ARHGAP28: variants seen among roughly 807,000 people sequenced by gnomAD.
The protein encoded by ARHGAP28 is rho GTPase-activating protein 28.
In ARHGAP28, 56 loss-of-function variants were observed where a neutral mutation model predicts 90.7. The observed-to-expected ratio is 0.62, with a 90% CI of 0.50 to 0.77. ARHGAP28 has a LOEUF of 0.77. Among genes scored for constraint, ARHGAP28 ranks in the 30% least tolerant of loss-of-function variants. The probability of loss-of-function intolerance (pLI) is 0.00; values close to 1 mark genes in which losing one functional copy is unlikely to be tolerated. For synonymous variants in ARHGAP28, 308 were observed against 323.3 expected, an observed-to-expected ratio of 0.95 and a Z score of 0.51; for missense variants, 869 against 900.9, an observed-to-expected ratio of 0.96 and a Z score of 0.45.
intron 1 of ARHGAP28, among the ~76,000 whole-genome samples, chr18:6,750,464 T>A (rs540445321): frequency 9.8e-5 from 15 of 152,328 alleles, no homozygotes; most frequent in Admixed American, 2.0e-4. Flanking sequence ...AGTACTATAG[T>A]CCTTGGAGAT....
chr18:6,822,086 A>T (rs2056630791), intron 1 of ARHGAP28, among the ~76,000 whole-genome samples: 2 of 152,206 alleles, frequency 1.3e-5, no homozygotes, highest in South Asian at 4.1e-4. Flanking sequence ...TCAGGAAAAC[A>T]AAGCAGTTTA....
rs775034587 is a variant in ARHGAP28, at chr18:6,825,071, A to G, written c.325+107A>G. On this transcript the variant is annotated intron_variant, in intron 2 of 17. Transcript: ENST00000383472. ...ATCCCACCAATAGTTTAACCAATGA[A>G]TCAGTAGAATCTGGCATATTGATGA... The G allele has an allele frequency of 3.7e-4, 377 of 1,007,944 alleles. 1 individual carries two copies. Among genetic ancestry groups the G allele is most frequent in the Non-Finnish European group, 4.9e-4 (348 of 714,068 alleles). 62.4% of individuals were successfully genotyped at this position (1,007,944 alleles called of 1,614,324 possible). A position where few individuals can be genotyped will look rare whatever the true frequency, so the allele number is the denominator to read the frequency against.
At chr18:6,895,020 T>G in intron 15 of ARHGAP28, 129 bp downstream of exon 15, 1 of 932,532 alleles carries the variant, frequency 1.1e-6, no homozygotes, top group Non-Finnish European at 1.7e-6. Context: ...ATGTGGCACA[T>G]AAAGGAATGG....
chr18:6,816,865 G>A (rs1180250123), intron 1 of ARHGAP28, among the ~76,000 whole-genome samples: 1 of 151,862 alleles, frequency 6.6e-6, no homozygotes, highest in Admixed American at 6.6e-5. Context: ...AGGCAGGAGA[G>A]TCGCTTGAGC....
At chr18:6,764,078 T>C (rs749121919) in intron 1 of ARHGAP28, among the ~76,000 whole-genome samples, 44 of 152,162 alleles carry the variant, frequency 2.9e-4, no homozygotes, top group Non-Finnish European at 5.6e-4. Context: ...ACACTTGAAG[T>C]TGTCCATGGA....
At chr18:6,810,782 G>T (rs1600206398) in intron 1 of ARHGAP28, among the ~76,000 whole-genome samples, 1 of 146,820 alleles carries the variant, frequency 6.8e-6, no homozygotes, top group Non-Finnish European at 1.5e-5. Flanking sequence ...AGTAGATAAA[G>T]AAAGAGCATT....
chr18:6,894,411 A>G (rs1478437916), intron 14 of ARHGAP28, among the ~76,000 whole-genome samples: 1 of 152,160 alleles, frequency 6.6e-6, no homozygotes, highest in African/African-American at 2.4e-5. Context: ...TTTAACATGA[A>G]TGTAGCATAC....
intron 1 of ARHGAP28, among the ~76,000 whole-genome samples, chr18:6,771,115 C>A (rs926333273): frequency 6.6e-5 from 10 of 152,078 alleles, no homozygotes; most frequent in Non-Finnish European, 1.2e-4. Context: ...TGGCTCACTG[C>A]AGCCTTGTTC....
At chr18:6,752,616 C>G (rs926037093) in intron 1 of ARHGAP28, among the ~76,000 whole-genome samples, 1 of 152,138 alleles carries the variant, frequency 6.6e-6, no homozygotes, top group African/African-American at 2.4e-5. Flanking sequence ...CTAAATCCAC[C>G]TCAGCCTCTG....
In ARHGAP28 at chr18:6,887,144, G is replaced by C; in HGVS notation, c.1454-13G>C. The C allele has an allele frequency of 6.2e-7, 1 of 1,611,852 alleles. No homozygotes were observed. The highest frequency in any genetic ancestry group is 8.5e-7 in the Non-Finnish European group (1 of 1,177,990). ...CTATTTAAAATGTATGACTATTTCTGTTTTCTTGTTAGGAGGGCCTCACGT... is the reference window on the plus strand; with the variant it reads ...CTATTTAAAATGTATGACTATTTCTCTTTTCTTGTTAGGAGGGCCTCACGT... On this transcript the variant is annotated splice_polypyrimidine_tract_variant and intron_variant, in intron 11 of 17. Transcript: ENST00000383472.
intron 1 of ARHGAP28, among the ~76,000 whole-genome samples, chr18:6,805,479 CTTTTTTTTTTTTT>C (rs756550297): frequency 3.1e-5 from 3 of 97,574 alleles, no homozygotes; most frequent in African/African-American, 4.4e-5. Flanking sequence ...TAACCTTTGC[CTTTTTTTTTTTTT>C]TTTTTTTTTT....
chr18:6,820,446 T>C (rs1567958166), intron 1 of ARHGAP28, among the ~76,000 whole-genome samples: 1 of 150,982 alleles, frequency 6.6e-6, no homozygotes, highest in Admixed American at 6.6e-5. Context: ...CTGACAGTCA[T>C]GTTATTGGAG....
chr18:6,771,005 G>A (rs571963609), intron 1 of ARHGAP28, among the ~76,000 whole-genome samples: 4 of 152,184 alleles, frequency 2.6e-5, no homozygotes, highest in East Asian at 1.9e-4. Flanking sequence ...CATTCAGAGT[G>A]AGCAACTTTA....
At position 6,744,750 on chromosome 18, in the gene ARHGAP28, G is replaced by A. The variant is rs556465424; in HGVS notation, c.122+14807G>A. On this transcript the variant is annotated intron_variant, in intron 1 of 17. Transcript: ENST00000383472. ...AGGTTTTCTTTGAAAAATGTAGCCT[G>A]TCCAATAAGCTGAACTGATTTTTGT... 2.9e-4 allele frequency among the ~76,000 whole-genome samples: 44 copies of A among 152,240 alleles called. No individual in the cohort carries two copies. The South Asian group carries it at 5.6e-3, about 19-fold the overall frequency.
intron 7 of ARHGAP28, among the ~76,000 whole-genome samples, chr18:6,872,892 G>A (rs548617752): frequency 6.6e-6 from 1 of 152,024 alleles, no homozygotes; most frequent in African/African-American, 2.4e-5. Context: ...GTCTCAGCAA[G>A]CATATATAAT....
intron 10 of ARHGAP28, among the ~76,000 whole-genome samples, chr18:6,879,579 A>G (rs959583653): frequency 2.6e-5 from 4 of 152,218 alleles, no homozygotes; most frequent in African/African-American, 9.7e-5. Context: ...AGAACCAAAA[A>G]AAGACATTAT....
intron 1 of ARHGAP28, among the ~76,000 whole-genome samples, chr18:6,757,710 C>T (rs547338771): frequency 4.6e-5 from 7 of 152,200 alleles, no homozygotes; most frequent in African/African-American, 7.2e-5. Context: ...GTTAATGGGA[C>T]GTGTGACATC....
intron 1 of ARHGAP28, among the ~76,000 whole-genome samples, chr18:6,772,629 A>G (rs188356198): frequency 6.6e-6 from 1 of 152,354 alleles, no homozygotes; most frequent in East Asian, 1.9e-4. Context: ...GAGCACGTTT[A>G]TGGTAGGCTA....
At chr18:6,827,349 GC>G (rs1440915060) in intron 2 of ARHGAP28, among the ~76,000 whole-genome samples, 6 of 148,742 alleles carry the variant, frequency 4.0e-5, no homozygotes, top group Non-Finnish European at 9.0e-5. Flanking sequence ...GGACGGGGCG[GC>G]TGGCTGGGCG....
Sources: gnomAD v4.1 joint callset for allele counts (sites outside exome capture counted in the v4.1 genomes callset) on GRCh38, gnomAD v4.1.1 for gene constraint, MANE v1.5 for transcripts, NCBI Gene and HGNC (gene_info 2026-07-23, HGNC 2026-07-21) for gene names.